The following AGT variants were observed in gnomAD, a reference collection of about 807,000 sequenced individuals.
AGT encodes alpha-1 antiproteinase, antitrypsin.
AGT carries 26 observed loss-of-function variants against 28.1 expected under a neutral mutation model. The observed-to-expected ratio is 0.92, with a 90% CI of 0.68 to 1.28. The LOEUF is 1.28. Among genes scored for constraint, AGT ranks in the 50% most tolerant of loss-of-function variants. The pLI is 0.00. For synonymous variants in AGT, 259 were observed against 259.6 expected (o/e 1.00, Z 0.02); for missense variants, 596 against 592.3 (o/e 1.01, Z -0.06).
upstream of AGT, among the ~76,000 whole-genome samples, chr1:230,716,047 T>C (rs572232993): frequency 2.0e-5 from 3 of 152,298 alleles, no homozygotes; most frequent in African/African-American, 4.8e-5. Context: ...GGGGAGAACA[T>C]AAGAAAATAA....
intron 1 of AGT, among the ~76,000 whole-genome samples, chr1:230,733,206 C>G (rs1359054373): frequency 6.6e-6 from 1 of 152,010 alleles, no homozygotes. Context: ...TCACTTAAAC[C>G]TGGGAGGCAG....
At chr1:230,719,397 T>C (rs1385848557), upstream of AGT, among the ~76,000 whole-genome samples, 1 of 115,430 alleles carries the variant, frequency 8.7e-6, no homozygotes, top group Non-Finnish European at 1.6e-5. Context: ...TTATTATTAT[T>C]ATCATTATGT....
At chr1:230,711,439 T>G (rs1663587637) in intron 1 of AGT, among the ~76,000 whole-genome samples, 2 of 152,154 alleles carry the variant, frequency 1.3e-5, no homozygotes, top group African/African-American at 4.8e-5. Context: ...CCTCCCAGTC[T>G]GTGGTACTTA....
At chr1:230,736,874 A>G (rs1664165340) in intron 1 of AGT, among the ~76,000 whole-genome samples, 1 of 152,116 alleles carries the variant, frequency 6.6e-6, no homozygotes, top group Non-Finnish European at 1.5e-5. Flanking sequence ...CCTTTTCAGC[A>G]CCTGGATCCC....
intron 2 of AGT, among the ~76,000 whole-genome samples, chr1:230,706,658 A>G (rs1040630536): frequency 1.3e-5 from 2 of 152,178 alleles, no homozygotes; most frequent in Admixed American, 6.5e-5. Flanking sequence ...AAGTTCCCAT[A>G]TAACTCTTGT....
rs1279309213 is a variant in AGT at position 230,703,084 on chromosome 1, TGCCTCAAAGGCCAGGGGCAGAG to T, written c.*35_*56del. On this transcript the variant is annotated 3_prime_UTR_variant, in exon 5 of 5. Transcript: ENST00000366667. ...GGGGTTGTTATCTGCTGCTGGCCTT[TGCCTCAAAGGCCAGGGGCAGAG>T]GCCTTGCCAGGCACTGTGTTCTGGG... 26 of 1,584,484 alleles carry T rather than the reference TGCCTCAAAGGCCAGGGGCAGAG, an allele frequency of 1.6e-5. No individual in the cohort carries two copies. The Middle Eastern group carries it at 6.7e-4, about 41-fold the overall frequency.
Position 230,704,313 on chromosome 1 carries a change from T to G in AGT, c.1122A>C (p.Gln374His). ...SPRTIHLTMPQLVLQGSYDLQ... is the reference protein window; with the variant it reads ...SPRTIHLTMPHLVLQGSYDLQ... ...GGTCATAAGATCCTTGCAGCACCAGTTGGGGCATGGTCAGGTGGATGGTCC... is the reference window on the plus strand; with the variant it reads ...GGTCATAAGATCCTTGCAGCACCAGGTGGGGCATGGTCAGGTGGATGGTCC... Residue 374 changes from glutamine (Q) to histidine (H), a missense_variant, in exon 4 of 5, where the codon CAA (glutamine) becomes CAC (histidine). Physicochemically the swap from Gln to His is conservative, Grantham distance 24 (BLOSUM62 0). Transcript: ENST00000366667. The G allele has an allele frequency of 1.2e-6, 2 of 1,614,170 alleles. No homozygotes were observed. Among genetic ancestry groups the G allele is most frequent in the Non-Finnish European group, 1.7e-6 (2 of 1,180,020 alleles).
At chr1:230,706,413 G>A (rs1432892841) in intron 2 of AGT, among the ~76,000 whole-genome samples, 1 of 152,076 alleles carries the variant, frequency 6.6e-6, no homozygotes, top group Non-Finnish European at 1.5e-5. Context: ...TGAGTTCACT[G>A]AGGCAGCCCT....
At chr1:230,722,455 C>T (rs1333844129) in intron 1 of AGT, among the ~76,000 whole-genome samples, 1 of 152,238 alleles carries the variant, frequency 6.6e-6, no homozygotes, top group Non-Finnish European at 1.5e-5. Context: ...CTCCAGACCC[C>T]AGAATGGTAG....
chr1:230,716,473 G>A (rs1404789328), upstream of AGT, among the ~76,000 whole-genome samples: 1 of 152,204 alleles, frequency 6.6e-6, no homozygotes, highest in Non-Finnish European at 1.5e-5. Flanking sequence ...TGGTTTGGCT[G>A]TGTCCCCACC....
chr1:230,716,789 ATGTC>A (rs1558290523), upstream of AGT, among the ~76,000 whole-genome samples: 2 of 152,006 alleles, frequency 1.3e-5, no homozygotes, highest in African/African-American at 4.8e-5. Context: ...AGTCTCTGGT[ATGTC>A]TTTATTAGCA....
chr1:230,716,168 G>A (rs1342699531), upstream of AGT, among the ~76,000 whole-genome samples: 1 of 152,182 alleles, frequency 6.6e-6, no homozygotes, highest in Non-Finnish European at 1.5e-5. Flanking sequence ...GATCTTCTAC[G>A]TAAGGCTTTA....
At chr1:230,745,327 C>T (rs1408530175) in intron 1 of AGT, among the ~76,000 whole-genome samples, 1 of 152,180 alleles carries the variant, frequency 6.6e-6, no homozygotes, top group Admixed American at 6.5e-5. Context: ...CTTCCACAAA[C>T]CCGCCATGCC....
intron 2 of AGT, 69 bp from the exon 3 acceptor site, chr1:230,706,269 A>G: frequency 6.4e-7 from 1 of 1,552,892 alleles, no homozygotes; most frequent in Non-Finnish European, 8.7e-7. Flanking sequence ...GGGCTGGCAG[A>G]CACCAAAGGC....
At position 230,710,747 on chromosome 1, in the gene AGT, C is replaced by T. The variant is rs776421645; in HGVS notation, c.77G>A (p.Arg26Gln). ...GAGGTGGAAGGGGTGTATGTACACC[C>T]GGTCACCTGCAGCCAGGCCAGCCCA... ...LAWAGLAAGD[R>Q]VYIHPFHLVI... The change falls in exon 2 of 5, where the codon CGG becomes CAG. Residue 26 changes from arginine (R) to glutamine (Q), a missense_variant. Physicochemically the swap from Arg to Gln is conservative, Grantham distance 43 (BLOSUM62 1). Transcript: ENST00000366667. 13 of 1,613,944 alleles carry T rather than the reference C, an allele frequency of 8.1e-6. No homozygotes were observed. The highest frequency in any genetic ancestry group is 2.7e-5 in the African/African-American group (2 of 74,912).
At chr1:230,740,776 C>T (rs1302124845) in intron 1 of AGT, among the ~76,000 whole-genome samples, 1 of 152,026 alleles carries the variant, frequency 6.6e-6, no homozygotes, top group East Asian at 1.9e-4. Context: ...TGGTGAAACC[C>T]CATCTCTACT....
At chr1:230,713,422 C>T (rs7539013) in intron 1 of AGT, among the ~76,000 whole-genome samples, 66,353 of 152,064 alleles carry the variant, frequency 0.44, 15,132 homozygotes, top group East Asian at 0.7. Context: ...CTCTGTCATC[C>T]ACGAGCTGAA....
At chr1:230,717,114 T>C (rs963256024), upstream of AGT, among the ~76,000 whole-genome samples, 1 of 142,452 alleles carries the variant, frequency 7.0e-6, no homozygotes, top group African/African-American at 2.5e-5. Flanking sequence ...GAGCTCCAGG[T>C]TGGGTCAAAG....
chr1:230,719,548 C>T (rs1284725278), upstream of AGT, among the ~76,000 whole-genome samples: 1 of 151,930 alleles, frequency 6.6e-6, no homozygotes, highest in African/African-American at 2.4e-5. Flanking sequence ...GCTGGGACTA[C>T]AGGTGCCCGC....
Sources: allele counts gnomAD v4.1 joint callset (sites outside exome capture counted in the v4.1 genomes callset), GRCh38; gene constraint gnomAD v4.1.1; transcripts MANE v1.5; gene names NCBI Gene and HGNC (gene_info 2026-07-23, HGNC 2026-07-21).